Variants in FAM184A observed in about 807,000 individuals in gnomAD.
FAM184A encodes protein FAM184A.
FAM184A carries 99 observed loss-of-function variants against 143.8 expected under a neutral mutation model. The observed-to-expected ratio is 0.69, with a 90% confidence interval of 0.58 to 0.81. FAM184A has a LOEUF of 0.81. FAM184A is among the 40% of genes least tolerant of loss of function. FAM184A has a pLI of 0.00. For synonymous variants in FAM184A, 427 were observed against 446.4 expected (o/e 0.96, Z 0.55); for missense variants, 1,217 against 1,310.5 (o/e 0.93, Z 1.10).
chr6:118,970,008 A>ATATATATATATATATATATATTTTT lies in FAM184A; in HGVS notation c.2916-3057_2916-3056insAAAAATATATATATATATATATATA. On this transcript the variant is annotated intron_variant, in intron 14 of 17. Coordinates refer to ENST00000338891, the MANE Select transcript of FAM184A (RefSeq NM_024581.6). The stretch of plus-strand genomic sequence containing the variant: ...ATATATATATAATATATATATATAT[A>ATATATATATATATATATATATTTTT]TTTTTTTTTTTTTGAGATGGAGTTT... Among the ~76,000 whole-genome samples the ATATATATATATATATATATATTTTT allele has an allele frequency of 2.1e-3, 39 of 19,012 alleles. 1 individual carries two copies. The highest frequency in any genetic ancestry group is 6.9e-3 in the South Asian group (4 of 576). The allele number at this position is 19,012 out of a possible 152,430, so 12.5% of individuals were successfully genotyped here.
intron 1 of FAM184A, among the ~76,000 whole-genome samples, chr6:119,041,216 G>C (rs1419257609): frequency 6.6e-6 from 1 of 152,140 alleles, no homozygotes. Flanking sequence ...GCCCAAGGCC[G>C]CAGACACAAG....
chr6:119,085,653 C>T (rs117391131), intron 1 of FAM184A, among the ~76,000 whole-genome samples: 1,720 of 152,346 alleles, frequency 0.011, 20 homozygotes, highest in South Asian at 0.045. Context: ...CAACGCCCCA[C>T]TCTTTGGTAC....
chr6:119,010,130 C>T (rs533682315), intron 6 of FAM184A, among the ~76,000 whole-genome samples: 2 of 152,210 alleles, frequency 1.3e-5, no homozygotes, highest in South Asian at 2.1e-4. Flanking sequence ...GAGAAGACTC[C>T]CTTTCTTCCA....
At chr6:119,015,456 G>C (rs956555325) in intron 5 of FAM184A, among the ~76,000 whole-genome samples, 3 of 152,188 alleles carry the variant, frequency 2.0e-5, no homozygotes, top group Admixed American at 6.5e-5. Context: ...GCAGTGAGGG[G>C]CTTAGCACCC....
chr6:118,962,813 T>A (rs1420297571), intron 16 of FAM184A: 1 of 152,122 alleles, frequency 6.6e-6, no homozygotes, highest in African/African-American at 2.4e-5. Flanking sequence ...ATGATCATCA[T>A]CTTGCTATGA....
intron 1 of FAM184A, among the ~76,000 whole-genome samples, chr6:119,094,369 T>A (rs1033868009): frequency 2.6e-5 from 4 of 152,094 alleles, no homozygotes; most frequent in Admixed American, 6.5e-5. Context: ...AAAACTCTTA[T>A]GGCATTTCAC....
intron 1 of FAM184A, among the ~76,000 whole-genome samples, chr6:119,032,798 T>C (rs1785941050): frequency 6.6e-6 from 1 of 152,220 alleles, no homozygotes; most frequent in East Asian, 1.9e-4. Context: ...TGTTTAAAAA[T>C]AGATCTGGTA....
chr6:118,966,565 C>T (rs974097042), intron 15 of FAM184A, among the ~76,000 whole-genome samples: 5 of 152,042 alleles, frequency 3.3e-5, no homozygotes, highest in African/African-American at 9.7e-5. Context: ...TAATTGTATA[C>T]TGGCAGTGAC....
rs368279440 is a variant in FAM184A at position 119,058,889 on chromosome 6, G to GCTTTATTC, written c.159+19251_159+19252insGAATAAAG. Among the ~76,000 whole-genome samples, 1,300 of 152,196 alleles carry GCTTTATTC rather than the reference G, an allele frequency of 8.5e-3. 14 individuals are homozygous for GCTTTATTC. Among genetic ancestry groups the GCTTTATTC allele is most frequent in the African/African-American group, 0.029 (1,222 of 41,530 alleles). On this transcript the variant is annotated intron_variant, in intron 1 of 17. Coordinates refer to ENST00000338891, the MANE Select transcript of FAM184A (RefSeq NM_024581.6). ...TCTGAGGCTCCAAATAAAGCACACA[G>GCTTTATTC]CTGTCTCTTCTCTGAATTCCTACCT...
At chr6:119,034,035 T>TAGAGAGAG (rs1454004344) in intron 1 of FAM184A, among the ~76,000 whole-genome samples, 4 of 34,274 alleles carry the variant, frequency 1.2e-4, no homozygotes, top group African/African-American at 3.3e-4. Flanking sequence ...TATATATATA[T>TAGAGAGAG]ATATATAGAG....
intron 6 of FAM184A, among the ~76,000 whole-genome samples, chr6:119,009,308 A>G (rs919756751): frequency 1.3e-5 from 2 of 152,166 alleles, no homozygotes; most frequent in Non-Finnish European, 2.9e-5. Context: ...CACAATTCCC[A>G]TATGTTGAGG....
chr6:119,043,735 G>A (rs1165134518), intron 1 of FAM184A, among the ~76,000 whole-genome samples: 1 of 152,220 alleles, frequency 6.6e-6, no homozygotes, highest in Non-Finnish European at 1.5e-5. Context: ...GAAGCCATTG[G>A]ATGTAAATGA....
At chr6:119,084,164 A>C (rs191492965) in intron 1 of FAM184A, among the ~76,000 whole-genome samples, 1 of 152,186 alleles carries the variant, frequency 6.6e-6, no homozygotes, top group African/African-American at 2.4e-5. Flanking sequence ...ACTCGCTATC[A>C]TGAGAATAGC....
At chr6:118,981,145 T>C (rs1340440462) in intron 9 of FAM184A, among the ~76,000 whole-genome samples, 2 of 152,178 alleles carry the variant, frequency 1.3e-5, no homozygotes, top group Admixed American at 6.6e-5. Flanking sequence ...GTATCACTTC[T>C]AGATGTCTTA....
chr6:118,980,155 TTTCCTC>T lies in FAM184A; in HGVS notation c.2278_2283del (p.Glu760_Glu761del), dbSNP rs778284834. ...AAACTTACTCTTTGCTCCTTTTCCT[TTTCCTC>T]TTCCATAGTTTGAAATGCAAGGACA... On this transcript the variant is annotated inframe_deletion, in exon 10 of 18. Coordinates refer to ENST00000338891, the MANE Select transcript of FAM184A (RefSeq NM_024581.6). 357 of 1,613,910 alleles carry T rather than the reference TTTCCTC, an allele frequency of 2.2e-4. 1 individual carries two copies. Among genetic ancestry groups the T allele is most frequent in the Non-Finnish European group, 2.9e-4 (346 of 1,179,874 alleles).
At chr6:118,974,968 C>T (rs1783803744) in intron 13 of FAM184A, 56 bp downstream of exon 13, 1 of 1,401,322 alleles carries the variant, frequency 7.1e-7, no homozygotes, top group South Asian at 1.3e-5. Flanking sequence ...TAAATATCAG[C>T]ACAACAGTTT....
At chr6:119,147,068 T>C (rs956281303) in intron 1 of FAM184A, among the ~76,000 whole-genome samples, 2 of 123,576 alleles carry the variant, frequency 1.6e-5, no homozygotes, top group African/African-American at 6.1e-5. Flanking sequence ...GGCTCTGTTT[T>C]TTTTTTTTTT....
chr6:119,108,967 A>C (rs1276813297), intron 1 of FAM184A, among the ~76,000 whole-genome samples: 2 of 152,128 alleles, frequency 1.3e-5, no homozygotes, highest in Admixed American at 1.3e-4. Flanking sequence ...TTTCCAAAAC[A>C]AGTCTTCCTT....
At chr6:119,116,532 C>A (rs1789067918) in intron 1 of FAM184A, among the ~76,000 whole-genome samples, 1 of 152,182 alleles carries the variant, frequency 6.6e-6, no homozygotes, top group African/African-American at 2.4e-5. Context: ...AAAAAGAAAA[C>A]TTTCAGTAGT....
Sources: allele counts gnomAD v4.1 joint callset (sites outside exome capture counted in the v4.1 genomes callset), GRCh38; gene constraint gnomAD v4.1.1; transcripts MANE v1.5; gene names NCBI Gene and HGNC (gene_info 2026-07-23, HGNC 2026-07-21).